CMC1: variants seen among roughly 807,000 people sequenced by gnomAD.
The protein encoded by CMC1 is COX assembly mitochondrial protein homolog.
Under a neutral mutation model 14.1 loss-of-function variants are expected in CMC1, and 14 were observed. The observed-to-expected ratio is 0.99, with a 90% CI of 0.66 to 1.55. The LOEUF (loss-of-function observed/expected upper bound fraction) is 1.55. Ranked by LOEUF, CMC1 falls within the 40% of genes most tolerant of loss-of-function variation. The probability of loss-of-function intolerance (pLI) is 0.00; values close to 1 mark genes in which losing one functional copy is unlikely to be tolerated. For synonymous variants in CMC1, 50 were observed against 38.4 expected, an observed-to-expected ratio of 1.30 and a Z score of -1.12; for missense variants, 127 against 123.8, an observed-to-expected ratio of 1.03 and a Z score of -0.12.
At chr3:28,255,885 G>A (rs953824121) in intron 1 of CMC1, among the ~76,000 whole-genome samples, 1 of 152,054 alleles carries the variant, frequency 6.6e-6, no homozygotes, top group Non-Finnish European at 1.5e-5. Context: ...AAAAAGTCAT[G>A]TGAACACCTT....
chr3:28,304,036 A>G (rs1702184455), intron 2 of CMC1, among the ~76,000 whole-genome samples: 2 of 151,794 alleles, frequency 1.3e-5, no homozygotes, highest in Admixed American at 1.3e-4. Context: ...ACCTGTTTGC[A>G]TCTCACCTGA....
rs556893708 is a variant in CMC1, at chr3:28,312,950, G to A, written c.110-3383G>A. On this transcript the variant is annotated intron_variant, in intron 2 of 3. Transcript: ENST00000466830. ...CAGCTCACTGCAGCTTTCTCCTCCCGGGTTCAAGTGATTCTCCTGCCTTGG... is the reference window on the plus strand; with the variant it reads ...CAGCTCACTGCAGCTTTCTCCTCCCAGGTTCAAGTGATTCTCCTGCCTTGG... 5.3e-5 allele frequency among the ~76,000 whole-genome samples: 8 copies of A among 152,032 alleles called. No individual in the cohort carries two copies. The East Asian group carries it at 9.7e-4, about 18-fold the overall frequency.
At chr3:28,251,227 C>T (rs1699110013) in intron 1 of CMC1, among the ~76,000 whole-genome samples, 1 of 152,116 alleles carries the variant, frequency 6.6e-6, no homozygotes, top group Non-Finnish European at 1.5e-5. Context: ...CAGAGAAGAT[C>T]AAAGGGGAAG....
chr3:28,276,902 G>A (rs919474441), intron 2 of CMC1, among the ~76,000 whole-genome samples: 5 of 152,150 alleles, frequency 3.3e-5, no homozygotes, highest in Non-Finnish European at 5.9e-5. Context: ...GCTTTGAAGC[G>A]TAATGTACAA....
chr3:28,270,923 T>TTC (rs1355690578), intron 2 of CMC1, among the ~76,000 whole-genome samples: 2 of 139,320 alleles, frequency 1.4e-5, no homozygotes, highest in African/African-American at 5.3e-5. Context: ...TTAATTTCTT[T>TTC]TTTTTTTTTT....
intron 2 of CMC1, among the ~76,000 whole-genome samples, chr3:28,293,506 G>A (rs1251696473): frequency 6.6e-6 from 1 of 152,120 alleles, no homozygotes; most frequent in Non-Finnish European, 1.5e-5. Context: ...ATATCAAGAA[G>A]ATACTCATCT....
chr3:28,255,428 T>C (rs1699345446), intron 1 of CMC1, among the ~76,000 whole-genome samples: 1 of 151,752 alleles, frequency 6.6e-6, no homozygotes, highest in Non-Finnish European at 1.5e-5. Flanking sequence ...TTTTTTTCAC[T>C]AGAGACAGAG....
intron 2 of CMC1, among the ~76,000 whole-genome samples, chr3:28,298,823 C>T (rs1174168191): frequency 6.6e-6 from 1 of 151,898 alleles, no homozygotes; most frequent in African/African-American, 2.4e-5. Flanking sequence ...AAAGATGGGT[C>T]AGTATGTTCT....
At chr3:28,301,874 A>G (rs960943092) in intron 2 of CMC1, among the ~76,000 whole-genome samples, 2 of 151,960 alleles carry the variant, frequency 1.3e-5, no homozygotes, top group Admixed American at 1.3e-4. Context: ...TTTTCAGCCT[A>G]TAGTACTCCC....
rs1399857202 is a variant in CMC1, at chr3:28,324,575, T to C, written c.*4946T>C. On this transcript the variant is annotated 3_prime_UTR_variant, in exon 4 of 4. Coordinates refer to ENST00000466830, the MANE Select transcript of CMC1 (RefSeq NM_182523.2). ...TGAAATTAAGATTTCCAAGTTAGTG[T>C]GATCATTGAGGCACTGTGACTAGGA... is the stretch of plus-strand genomic sequence containing the variant. 4.3e-6 allele frequency: 4 copies of C among 926,728 alleles called. No homozygotes were observed. Among genetic ancestry groups the C allele is most frequent in the African/African-American group, 1.7e-5 (1 of 59,502 alleles). The allele number at this position is 926,728 out of a possible 1,614,324, so 57.4% of individuals were successfully genotyped here. A position where few individuals can be genotyped will look rare whatever the true frequency, so the allele number is the denominator to read the frequency against.
intron 2 of CMC1, among the ~76,000 whole-genome samples, chr3:28,281,999 G>A (rs1447546183): frequency 1.3e-5 from 2 of 152,100 alleles, no homozygotes; most frequent in African/African-American, 4.8e-5. Flanking sequence ...TGTCTTAACA[G>A]TCTGAAACAG....
intron 2 of CMC1, among the ~76,000 whole-genome samples, chr3:28,291,109 A>G (rs991534548): frequency 9.9e-5 from 15 of 152,186 alleles, no homozygotes; most frequent in Non-Finnish European, 1.9e-4. Flanking sequence ...CAGGCAAGCC[A>G]AGAAGACCAG....
rs1559453018 is a variant in CMC1, at chr3:28,321,391, T to C, written c.*1762T>C. On this transcript the variant is annotated 3_prime_UTR_variant, in exon 4 of 4. Transcript: ENST00000466830. ...ACTTCATGTAGAAAATTCACTTATG[T>C]ACATGTTGCTTTCCCCATAGAAGCC... 6.6e-6 allele frequency: 1 copy of C among 151,486 alleles called. No homozygotes were observed. The highest frequency in any genetic ancestry group is 6.6e-5 in the Admixed American group (1 of 15,146). 9.4% of individuals were successfully genotyped at this position (151,486 alleles called of 1,614,324 possible).
chr3:28,324,074 G>C lies in CMC1; in HGVS notation c.*4445G>C. 6.2e-7 allele frequency: 1 copy of C among 1,609,338 alleles called. No individual in the cohort carries two copies. The highest frequency in any genetic ancestry group is 8.5e-7 in the Non-Finnish European group (1 of 1,176,880). ...TTATAAAGGCAGTTCTGATTATGTT[G>C]ATCCAAGTAATGCAGTGGTGGAAGG... On this transcript the variant is annotated 3_prime_UTR_variant, in exon 4 of 4. Coordinates refer to ENST00000466830, the MANE Select transcript of CMC1 (RefSeq NM_182523.2).
At chr3:28,305,779 A>ATTTTTTTTTTTTTTT (rs71087685) in intron 2 of CMC1, among the ~76,000 whole-genome samples, 13 of 43,570 alleles carry the variant, frequency 3.0e-4, no homozygotes, top group African/African-American at 1.3e-3. Flanking sequence ...TTTCATAGGA[A>ATTTTTTTTTTTTTTT]TTTTTTTTTT....
chr3:28,250,934 C>T lies in CMC1; in HGVS notation c.19+9122C>T, dbSNP rs116102694. 4.0e-3 allele frequency among the ~76,000 whole-genome samples: 610 copies of T among 152,286 alleles called. 9 individuals are homozygous for T. The highest frequency in any genetic ancestry group is 0.014 in the African/African-American group (584 of 41,554). Reference sequence around the variant, plus strand: ...TTCCCTTTGGATTCTTCAGTACACTCGTCTTAATATCCTCATTTTGGCAAA... The same window carrying T: ...TTCCCTTTGGATTCTTCAGTACACTTGTCTTAATATCCTCATTTTGGCAAA... On this transcript the variant is annotated intron_variant, in intron 1 of 3. Coordinates refer to ENST00000466830, the MANE Select transcript of CMC1 (RefSeq NM_182523.2).
At chr3:28,304,542 C>T (rs892933199) in intron 2 of CMC1, among the ~76,000 whole-genome samples, 1 of 152,090 alleles carries the variant, frequency 6.6e-6, no homozygotes, top group Non-Finnish European at 1.5e-5. Flanking sequence ...AAAATTTTAA[C>T]ATAAAAACTG....
chr3:28,257,282 T>G (rs1419867525), intron 1 of CMC1, among the ~76,000 whole-genome samples: 1 of 152,170 alleles, frequency 6.6e-6, no homozygotes, highest in Non-Finnish European at 1.5e-5. Context: ...TAACCACTGT[T>G]GTAATTTTTA....
rs777778622 is a variant in CMC1 at position 28,319,676 on chromosome 3, A to ATT, written c.*50_*51dup. 6.6e-7 allele frequency: 1 copy of ATT among 1,521,180 alleles called. No individual in the cohort carries two copies. The highest frequency in any genetic ancestry group is 8.9e-7 in the Non-Finnish European group (1 of 1,124,868). The allele number at this position is 1,521,180 out of a possible 1,614,324, so 94.2% of individuals were successfully genotyped here. On this transcript the variant is annotated 3_prime_UTR_variant, in exon 4 of 4. Transcript: ENST00000466830. ...AGGAACTCTAATATTCATGGAAGTC[A>ATT]TTTTATAGTCCTTAAATAATGGACT...
Sources: allele counts gnomAD v4.1 joint callset (sites outside exome capture counted in the v4.1 genomes callset), GRCh38; gene constraint gnomAD v4.1.1; transcripts MANE v1.5; gene names NCBI Gene and HGNC (gene_info 2026-07-23, HGNC 2026-07-21).